CFAP299: variants seen among roughly 807,000 people sequenced by gnomAD.
CFAP299 encodes cilia- and flagella-associated protein 299.
CFAP299 carries 21 observed loss-of-function variants against 27.0 expected under a neutral mutation model. That is an observed-to-expected ratio of 0.78 (90% CI 0.55 to 1.12). The LOEUF (loss-of-function observed/expected upper bound fraction) is 1.12, where lower values mean the gene tolerates loss of function less well. Ranked by LOEUF, CFAP299 falls within the 50% of genes most tolerant of loss-of-function variation. The pLI is 0.00. For synonymous variants in CFAP299, 104 were observed against 98.1 expected (o/e 1.06, Z -0.36); for missense variants, 310 against 276.6 (o/e 1.12, Z -0.86).
At chr4:80,709,727 G>C (rs539826849) in intron 3 of CFAP299, among the ~76,000 whole-genome samples, 1 of 152,156 alleles carries the variant, frequency 6.6e-6, no homozygotes, top group Non-Finnish European at 1.5e-5. Context: ...TAGGAATTTT[G>C]ATTTCGCTGA....
intron 3 of CFAP299, among the ~76,000 whole-genome samples, chr4:80,742,831 T>G (rs947585982): frequency 1.1e-4 from 17 of 152,192 alleles, no homozygotes; most frequent in Admixed American, 5.2e-4. Flanking sequence ...AGTTGACATG[T>G]AGACACCCCC....
chr4:80,541,402 G>C (rs1393616167), intron 2 of CFAP299, among the ~76,000 whole-genome samples: 1 of 152,144 alleles, frequency 6.6e-6, no homozygotes, highest in East Asian at 1.9e-4. Flanking sequence ...ATGTGTTAAA[G>C]ACCTATATAT....
chr4:80,823,139 A>T (rs576142386), intron 3 of CFAP299, among the ~76,000 whole-genome samples: 1 of 152,112 alleles, frequency 6.6e-6, no homozygotes, highest in African/African-American at 2.4e-5. Flanking sequence ...ATCTTGCCCT[A>T]ACCTAAACAC....
At chr4:80,510,755 G>A (rs954607345) in intron 2 of CFAP299, among the ~76,000 whole-genome samples, 9 of 152,160 alleles carry the variant, frequency 5.9e-5, no homozygotes, top group Non-Finnish European at 1.3e-4. Context: ...TAATAAACCT[G>A]TGGAAACAAA....
intron 4 of CFAP299, among the ~76,000 whole-genome samples, chr4:80,906,307 C>T (rs1232739655): frequency 6.6e-6 from 1 of 152,192 alleles, no homozygotes; most frequent in Non-Finnish European, 1.5e-5. Context: ...GCAGATCCAC[C>T]CCTGTGGCTT....
intron 3 of CFAP299, among the ~76,000 whole-genome samples, chr4:80,729,879 A>G (rs953576205): frequency 1.3e-5 from 2 of 152,216 alleles, no homozygotes; most frequent in African/African-American, 4.8e-5. Context: ...CTGGGATTAC[A>G]GGCATGAGCC....
At chr4:80,793,217 G>T (rs967092688) in intron 3 of CFAP299, among the ~76,000 whole-genome samples, 17 of 152,048 alleles carry the variant, frequency 1.1e-4, no homozygotes, top group Admixed American at 9.9e-4. Flanking sequence ...GCCAGTCTGA[G>T]TTGCAAAACT....
chr4:80,866,717 A>C (rs1307832689), intron 3 of CFAP299, among the ~76,000 whole-genome samples: 2 of 152,164 alleles, frequency 1.3e-5, no homozygotes, highest in African/African-American at 4.8e-5. Context: ...GTCCTCCAGC[A>C]TCAGAAAACC....
At chr4:80,836,036 A>C (rs1730543027) in intron 3 of CFAP299, among the ~76,000 whole-genome samples, 1 of 152,214 alleles carries the variant, frequency 6.6e-6, no homozygotes. Context: ...ATACTCTTAC[A>C]TATTGAGCAT....
intron 4 of CFAP299, among the ~76,000 whole-genome samples, chr4:80,888,848 A>C (rs773805741): frequency 1.3e-5 from 2 of 151,892 alleles, no homozygotes; most frequent in African/African-American, 4.8e-5. Flanking sequence ...CACATTGAAC[A>C]TTAACAATAT....
chr4:80,470,246 T>C (rs548416846), intron 2 of CFAP299, among the ~76,000 whole-genome samples: 184 of 152,262 alleles, frequency 1.2e-3, no homozygotes, highest in African/African-American at 4.2e-3. Context: ...TAAAAATGCT[T>C]GGTAAACACA....
chr4:80,489,515 C>T (rs1731006614), intron 2 of CFAP299, among the ~76,000 whole-genome samples: 1 of 152,132 alleles, frequency 6.6e-6, no homozygotes, highest in Admixed American at 6.5e-5. Context: ...ACAAAAATAG[C>T]CCTTCCTCTA....
chr4:80,685,149 C>G (rs1020620991), intron 3 of CFAP299, among the ~76,000 whole-genome samples: 1 of 152,272 alleles, frequency 6.6e-6, no homozygotes, highest in Admixed American at 6.5e-5. Context: ...TAACAATTTT[C>G]AGACAAAAGA....
At chr4:80,831,541 C>T (rs1034570027) in intron 3 of CFAP299, among the ~76,000 whole-genome samples, 2 of 152,058 alleles carry the variant, frequency 1.3e-5, no homozygotes, top group Non-Finnish European at 2.9e-5. Context: ...TGCTGGCATG[C>T]GGAATGTGGG....
At position 80,634,528 on chromosome 4, in the gene CFAP299, G is replaced by C. The variant is rs1739393182; in HGVS notation, c.333+51345G>C. ...TAGCATACTTAAAATTGTGCCTGCT[G>C]TTTTATAAATACTATGCTAATGTTT... On this transcript the variant is annotated intron_variant, in intron 3 of 5. Transcript: ENST00000358105. Among the ~76,000 whole-genome samples, 3 of 151,990 alleles carry C rather than the reference G, an allele frequency of 2.0e-5. No homozygotes were observed. The South Asian group carries it at 6.2e-4, about 32-fold the overall frequency.
intron 2 of CFAP299, among the ~76,000 whole-genome samples, chr4:80,366,863 C>G (rs1391666088): frequency 6.6e-6 from 1 of 152,034 alleles, no homozygotes; most frequent in Non-Finnish European, 1.5e-5. Context: ...TAATAAAATA[C>G]TATTCAGTCA....
chr4:80,350,316 T>A lies in CFAP299; in HGVS notation c.112-12438T>A, dbSNP rs115398472. Among the ~76,000 whole-genome samples the A allele has an allele frequency of 8.7e-3, 1,323 of 152,232 alleles. 23 individuals are homozygous for A. Among genetic ancestry groups the A allele is most frequent in the African/African-American group, 0.029 (1,218 of 41,536 alleles). ...AAAACTACACGAAGGAATGTTTTAA[T>A]AAAATCACTGAAAACTAGTGATAAA... On this transcript the variant is annotated intron_variant, in intron 1 of 5. Coordinates refer to ENST00000358105, the MANE Select transcript of CFAP299 (RefSeq NM_152770.3).
At chr4:80,913,544 T>G (rs1209235757) in intron 4 of CFAP299, among the ~76,000 whole-genome samples, 3 of 152,136 alleles carry the variant, frequency 2.0e-5, no homozygotes, top group African/African-American at 7.2e-5. Context: ...AGCATCCAGT[T>G]TGGTGGTGTG....
At chr4:80,692,835 C>A (rs1253130269) in intron 3 of CFAP299, among the ~76,000 whole-genome samples, 1 of 151,970 alleles carries the variant, frequency 6.6e-6, no homozygotes, top group Non-Finnish European at 1.5e-5. Context: ...ATAATGAACT[C>A]AAACAAATTT....
Sources: gnomAD v4.1 joint callset for allele counts (sites outside exome capture counted in the v4.1 genomes callset) on GRCh38, gnomAD v4.1.1 for gene constraint, MANE v1.5 for transcripts, NCBI Gene and HGNC (gene_info 2026-07-23, HGNC 2026-07-21) for gene names.